GAS7: variants seen among roughly 807,000 people sequenced by gnomAD.
GAS7 encodes the protein growth arrest-specific protein 7.
Under a neutral mutation model 71.1 loss-of-function variants are expected in GAS7, and 28 were observed. That is an observed-to-expected ratio of 0.39 (90% CI 0.29 to 0.54). The LOEUF is 0.54. Among genes scored for constraint, GAS7 ranks in the 20% least tolerant of loss-of-function variants. GAS7 has a pLI of 0.62. For synonymous variants in GAS7, 258 were observed against 245.8 expected (o/e 1.05, Z -0.46); for missense variants, 436 against 627.8 (o/e 0.69, Z 3.27).
chr17:9,973,347 G>A (rs1336511528), intron 3 of GAS7, among the ~76,000 whole-genome samples: 3 of 151,268 alleles, frequency 2.0e-5, no homozygotes, highest in Non-Finnish European at 4.4e-5. Context: ...TCCGCCTCCC[G>A]GGTTCAAGTG....
At chr17:9,962,997 A>G (rs1014320239) in intron 4 of GAS7, among the ~76,000 whole-genome samples, 1 of 151,166 alleles carries the variant, frequency 6.6e-6, no homozygotes. Flanking sequence ...ATTCTATAAG[A>G]CACCTGACCT....
At chr17:9,936,405 T>C (rs1468146341) in intron 8 of GAS7, among the ~76,000 whole-genome samples, 1 of 152,142 alleles carries the variant, frequency 6.6e-6, no homozygotes, top group African/African-American at 2.4e-5. Flanking sequence ...GGCAGGTAAA[T>C]GGCCCAGGGA....
chr17:10,024,107 G>C (rs2072375269), intron 1 of GAS7, among the ~76,000 whole-genome samples: 1 of 152,154 alleles, frequency 6.6e-6, no homozygotes, highest in Admixed American at 6.5e-5. Flanking sequence ...CTGGGTGACA[G>C]AGTGAGACTC....
chr17:10,128,599 G>A (rs989737279), intron 1 of GAS7, among the ~76,000 whole-genome samples: 1 of 151,192 alleles, frequency 6.6e-6, no homozygotes, highest in Non-Finnish European at 1.5e-5. Flanking sequence ...CATTTTCAGT[G>A]AAATAAGTGA....
At chr17:9,949,550 A>C (rs1044487506) in intron 5 of GAS7, among the ~76,000 whole-genome samples, 1 of 152,116 alleles carries the variant, frequency 6.6e-6, no homozygotes, top group African/African-American at 2.4e-5. Flanking sequence ...CACAGACCTC[A>C]GTCGCAGTCT....
chr17:10,125,518 T>C (rs1597806327), intron 1 of GAS7, among the ~76,000 whole-genome samples: 2 of 106,416 alleles, frequency 1.9e-5, no homozygotes, highest in African/African-American at 3.9e-5. Context: ...AGAGCGAAAC[T>C]CCATCTTAAA....
At chr17:9,920,937 G>C (rs1345796176) in intron 11 of GAS7, among the ~76,000 whole-genome samples, 1 of 152,104 alleles carries the variant, frequency 6.6e-6, no homozygotes, top group Non-Finnish European at 1.5e-5. Context: ...AAGTCAAAGA[G>C]AACAGGGAAG....
At position 10,115,703 on chromosome 17, in the gene GAS7, A is replaced by G. The variant is rs561750975; in HGVS notation, c.183+82505T>C. ...CCTTTTTCCAAACTCCCCATCCTCC[A>G]TACTACTGTTGTTAACAACAAGACA... On this transcript the variant is annotated intron_variant, in intron 1 of 13. Coordinates refer to ENST00000432992, the MANE Select transcript of GAS7 (RefSeq NM_201433.2). Among the ~76,000 whole-genome samples the G allele has an allele frequency of 2.6e-4, 40 of 152,190 alleles. 1 individual carries two copies. The South Asian group carries it at 8.1e-3, about 31-fold the overall frequency.
intron 1 of GAS7, among the ~76,000 whole-genome samples, chr17:10,033,273 C>A (rs1366339296): frequency 6.6e-6 from 1 of 152,058 alleles, no homozygotes; most frequent in Non-Finnish European, 1.5e-5. Context: ...GGTCAACTTC[C>A]CTTTGCAGCA....
In GAS7 at chr17:9,988,844, A is replaced by G. The variant is rs868468620; in HGVS notation, c.305-6960T>C. Among the ~76,000 whole-genome samples the G allele has an allele frequency of 7.4e-5, 10 of 135,590 alleles. No homozygotes were observed. In the South Asian group the frequency reaches 1.6e-3, roughly 22 times the overall value. 89.0% of individuals were successfully genotyped at this position (135,590 alleles called of 152,430 possible). ...AAACACCTATGAGATAGGTGCTGTC[A>G]TTTCCTTTTTTTTTTTTTTTTTGAG... On this transcript the variant is annotated intron_variant, in intron 2 of 13. Coordinates refer to ENST00000432992, the MANE Select transcript of GAS7 (RefSeq NM_201433.2).
intron 1 of GAS7, among the ~76,000 whole-genome samples, chr17:10,183,033 C>A (rs1488637667): frequency 6.6e-6 from 1 of 152,096 alleles, no homozygotes; most frequent in Non-Finnish European, 1.5e-5. Context: ...TGAGGAGCAG[C>A]AACCATTATG....
chr17:9,926,677 G>A lies in GAS7; in HGVS notation c.978C>T (p.Arg326=). The change falls in exon 10 of 14, where the codon CGC becomes CGT. Residue 326 remains arginine, a synonymous_variant. Coordinates refer to ENST00000432992, the MANE Select transcript of GAS7 (RefSeq NM_201433.2). The surrounding 1 kb of genome is among the most constrained non-coding windows in gnomAD (Gnocchi z 5.0). ...AGGCATAGCGGCTGGCGAGCTGCTTGCGAAGGTCGGCAATGTGGTGGTCGC... is the reference window on the plus strand; with the variant it reads ...AGGCATAGCGGCTGGCGAGCTGCTTACGAAGGTCGGCAATGTGGTGGTCGC... ...KKCDHHIADL[R]KQLASRYASV... is the part of the protein sequence containing the mutation. The A allele has an allele frequency of 6.2e-7, 1 of 1,613,780 alleles. No individual in the cohort carries two copies. Among genetic ancestry groups the A allele is most frequent in the Non-Finnish European group, 8.5e-7 (1 of 1,180,010 alleles).
intron 1 of GAS7, among the ~76,000 whole-genome samples, chr17:10,126,701 C>T (rs1385639702): frequency 1.3e-5 from 2 of 152,200 alleles, no homozygotes; most frequent in Non-Finnish European, 2.9e-5. Context: ...TTCGGGGAAG[C>T]CACTCACTTG....
chr17:10,147,262 G>C (rs1372524092), intron 1 of GAS7, among the ~76,000 whole-genome samples: 1 of 152,134 alleles, frequency 6.6e-6, no homozygotes, highest in Non-Finnish European at 1.5e-5. Context: ...CCTGGTTTAT[G>C]GCTTTTGAAT....
chr17:9,954,021 GA>G (rs1338112165), intron 5 of GAS7, among the ~76,000 whole-genome samples: 1 of 152,166 alleles, frequency 6.6e-6, no homozygotes, highest in Non-Finnish European at 1.5e-5. Context: ...GAGGTTACTG[GA>G]AGGACTGAGG....
chr17:10,182,780 T>G (rs1267395448), intron 1 of GAS7, among the ~76,000 whole-genome samples: 1 of 152,158 alleles, frequency 6.6e-6, no homozygotes, highest in African/African-American at 2.4e-5. Context: ...GATTCTGAGC[T>G]CCACAGCAAC....
At chr17:9,990,364 C>T (rs2070794637) in intron 2 of GAS7, among the ~76,000 whole-genome samples, 1 of 152,210 alleles carries the variant, frequency 6.6e-6, no homozygotes, top group African/African-American at 2.4e-5. Context: ...CTGCTGACTT[C>T]GCCCAGAGCG....
intron 2 of GAS7, among the ~76,000 whole-genome samples, chr17:9,986,508 T>G (rs1597617278): frequency 6.6e-6 from 1 of 151,830 alleles, no homozygotes; most frequent in African/African-American, 2.4e-5. Context: ...CCTCTCCCCA[T>G]CCCCCATCCT....
intron 1 of GAS7, among the ~76,000 whole-genome samples, chr17:10,021,425 G>A (rs1157581805): frequency 6.6e-6 from 1 of 152,252 alleles, no homozygotes; most frequent in Non-Finnish European, 1.5e-5. Context: ...TGGAGGGAAC[G>A]AGTAAATCTG....
Sources: allele counts gnomAD v4.1 joint callset (sites outside exome capture counted in the v4.1 genomes callset), GRCh38; gene constraint gnomAD v4.1.1; non-coding constraint Gnocchi (gnomAD v3.1); transcripts MANE v1.5; gene names NCBI Gene and HGNC (gene_info 2026-07-23, HGNC 2026-07-21).